TMPRSS12: variants seen among roughly 807,000 people sequenced by gnomAD.
TMPRSS12 encodes the protein transmembrane protease serine 12.
Under a neutral mutation model 26.0 loss-of-function variants are expected in TMPRSS12, and 25 were observed. The ratio of observed to expected loss-of-function variants is 0.96; its 90% confidence interval spans 0.70 to 1.34. TMPRSS12 has a LOEUF of 1.34. TMPRSS12 is among the 40% of genes most tolerant of loss of function. The pLI is 0.00. For synonymous variants in TMPRSS12, 150 were observed against 161.7 expected (o/e 0.93, Z 0.55); for missense variants, 441 against 440.1 (o/e 1.00, Z -0.02).
In TMPRSS12 at chr12:50,844,061, T is replaced by C. The variant is rs1462325562; in HGVS notation, c.383+24T>C. On this transcript the variant is annotated intron_variant, in intron 2 of 4. Coordinates refer to ENST00000398458, the MANE Select transcript of TMPRSS12 (RefSeq NM_182559.3). Reference sequence around the variant, plus strand: ...AGGTACGTATTCAGAACACAACTATTTTTATGCTCTTAGGGGATATTTTGA... The same window carrying C: ...AGGTACGTATTCAGAACACAACTATCTTTATGCTCTTAGGGGATATTTTGA... 2.7e-6 allele frequency: 4 copies of C among 1,489,106 alleles called. No homozygotes were observed. In the East Asian group the frequency reaches 7.1e-5, roughly 26 times the overall value. The allele number at this position is 1,489,106 out of a possible 1,614,324, so 92.2% of individuals were successfully genotyped here.
chr12:50,861,962 A>T (rs1046658727), intron 3 of TMPRSS12, among the ~76,000 whole-genome samples: 13 of 152,080 alleles, frequency 8.5e-5, no homozygotes, highest in African/African-American at 2.9e-4. Flanking sequence ...GGCACGTGCC[A>T]CCACACTCGG....
chr12:50,873,732 C>G (rs1938088774), intron 3 of TMPRSS12, among the ~76,000 whole-genome samples: 1 of 152,194 alleles, frequency 6.6e-6, no homozygotes, highest in African/African-American at 2.4e-5. Context: ...CTACTGGCAT[C>G]TGCTCAACAT....
chr12:50,862,991 G>A (rs944702589), intron 3 of TMPRSS12, among the ~76,000 whole-genome samples: 1 of 151,860 alleles, frequency 6.6e-6, no homozygotes, highest in Non-Finnish European at 1.5e-5. Flanking sequence ...CCAGGAGTTC[G>A]AGACCAGCCT....
chr12:50,875,850 GTTTAT>G (rs896149287), intron 3 of TMPRSS12, among the ~76,000 whole-genome samples: 2 of 152,128 alleles, frequency 1.3e-5, no homozygotes, highest in African/African-American at 2.4e-5. Flanking sequence ...TTGGGAAAGA[GTTTAT>G]GACTAAGTCC....
intron 3 of TMPRSS12, among the ~76,000 whole-genome samples, chr12:50,878,446 T>TA (rs1167838422): frequency 6.6e-6 from 1 of 151,846 alleles, no homozygotes; most frequent in Admixed American, 6.6e-5. Context: ...GGTGTGGTGG[T>TA]ACGCAGCTAT....
intron 3 of TMPRSS12, among the ~76,000 whole-genome samples, chr12:50,859,798 C>T (rs749325778): frequency 1.3e-5 from 2 of 152,180 alleles, no homozygotes; most frequent in Non-Finnish European, 2.9e-5. Flanking sequence ...GCAGACTATA[C>T]CATCTAGGTT....
chr12:50,871,250 C>T (rs1938039731), intron 3 of TMPRSS12, among the ~76,000 whole-genome samples: 1 of 152,088 alleles, frequency 6.6e-6, no homozygotes, highest in Non-Finnish European at 1.5e-5. Context: ...AAAATAGGCA[C>T]ATAGACCAAT....
At chr12:50,848,352 G>A (rs10459237) in intron 2 of TMPRSS12, 32,119 of 152,034 alleles carry the variant, frequency 0.21, 3,644 homozygotes, top group East Asian at 0.42. Flanking sequence ...CCCAGAAATC[G>A]GTTTAGTCTC....
chr12:50,872,972 T>C (rs1349926125), intron 3 of TMPRSS12, among the ~76,000 whole-genome samples: 1 of 150,870 alleles, frequency 6.6e-6, no homozygotes, highest in East Asian at 2.0e-4. Flanking sequence ...TGTACATATA[T>C]ATGACGTATA....
chr12:50,867,165 G>A lies in TMPRSS12; in HGVS notation c.652+8112G>A, dbSNP rs527479450. 3.3e-5 allele frequency among the ~76,000 whole-genome samples: 5 copies of A among 152,332 alleles called. No individual in the cohort carries two copies. In the South Asian group the frequency reaches 1.0e-3, roughly 32 times the overall value. ...GATTTAACTGAAAAAGAATTCAGGA[G>A]GTTAGTTATTAAGCTAATCATGGAG... On this transcript the variant is annotated intron_variant, in intron 3 of 4. Coordinates refer to ENST00000398458, the MANE Select transcript of TMPRSS12 (RefSeq NM_182559.3).
At chr12:50,861,441 C>G (rs1212560045) in intron 3 of TMPRSS12, among the ~76,000 whole-genome samples, 1 of 151,648 alleles carries the variant, frequency 6.6e-6, no homozygotes, top group East Asian at 1.9e-4. Context: ...AGGAAAGCAA[C>G]ATGGTGTAGG....
intron 4 of TMPRSS12, chr12:50,886,578 A>G (rs1938228439): frequency 6.6e-6 from 1 of 152,236 alleles, no homozygotes; most frequent in Admixed American, 6.5e-5. Context: ...TAATTATTCA[A>G]TGCCTGCCTT....
At chr12:50,873,507 A>T (rs764742014) in intron 3 of TMPRSS12, among the ~76,000 whole-genome samples, 3 of 152,222 alleles carry the variant, frequency 2.0e-5, no homozygotes, top group Non-Finnish European at 2.9e-5. Flanking sequence ...GAAGTAAAAG[A>T]AATATCAGAA....
rs1592224703 is a variant in TMPRSS12 at position 50,878,737 on chromosome 12, T to C, written c.653-6509T>C. Among the ~76,000 whole-genome samples, 5 of 152,330 alleles carry C rather than the reference T, an allele frequency of 3.3e-5. No individual in the cohort carries two copies. The East Asian group carries it at 7.7e-4, about 24-fold the overall frequency. On this transcript the variant is annotated intron_variant, in intron 3 of 4. Coordinates refer to ENST00000398458, the MANE Select transcript of TMPRSS12 (RefSeq NM_182559.3). ...TTTCAACAAATGATGCTGGGACAAC[T>C]GGATATCCTTACGCCGCGAAAAAAA...
At chr12:50,880,565 T>G (rs931858803) in intron 3 of TMPRSS12, among the ~76,000 whole-genome samples, 5 of 152,206 alleles carry the variant, frequency 3.3e-5, no homozygotes, top group African/African-American at 4.8e-5. Flanking sequence ...GAAAACAGTT[T>G]GACGGTTTCT....
chr12:50,873,335 G>C (rs1387655294), intron 3 of TMPRSS12, among the ~76,000 whole-genome samples: 1 of 151,770 alleles, frequency 6.6e-6, no homozygotes. Flanking sequence ...ATAACCTATG[G>C]AAAAATAAAT....
rs138351580 is a variant in TMPRSS12, at chr12:50,882,815, T to C, written c.653-2431T>C. Among the ~76,000 whole-genome samples, 498 of 152,298 alleles carry C rather than the reference T, an allele frequency of 3.3e-3. 4 individuals are homozygous for C. The highest frequency in any genetic ancestry group is 0.011 in the African/African-American group (446 of 41,570). ...ATAAAAAACCAGAACTCAGAACAAG[T>C]GAGTTCTACCATAATACCAGAGACA... On this transcript the variant is annotated intron_variant, in intron 3 of 4. Coordinates refer to ENST00000398458, the MANE Select transcript of TMPRSS12 (RefSeq NM_182559.3).
chr12:50,868,619 G>C lies in TMPRSS12; in HGVS notation c.652+9566G>C, dbSNP rs12301702. ...ACAGAAAGTCAACAAAGAAACAATG[G>C]ATTTAAACTATACCTTGGAACAAAT... On this transcript the variant is annotated intron_variant, in intron 3 of 4. Transcript: ENST00000398458. Among the ~76,000 whole-genome samples, 464 of 152,044 alleles carry C rather than the reference G, an allele frequency of 3.1e-3. 3 individuals carry two copies. Among genetic ancestry groups the C allele is most frequent in the African/African-American group, 0.011 (442 of 41,472 alleles).
intron 2 of TMPRSS12, among the ~76,000 whole-genome samples, chr12:50,858,160 T>C (rs1937899788): frequency 1.3e-5 from 2 of 152,118 alleles, no homozygotes; most frequent in Admixed American, 1.3e-4. Flanking sequence ...GTTTTTTAAT[T>C]CACATGCTAA....
Sources: allele counts gnomAD v4.1 joint callset (sites outside exome capture counted in the v4.1 genomes callset), GRCh38; gene constraint gnomAD v4.1.1; transcripts MANE v1.5; gene names NCBI Gene and HGNC (gene_info 2026-07-23, HGNC 2026-07-21).